Variants in ZMYM2 observed in about 807,000 individuals in gnomAD.
The protein encoded by ZMYM2 is zinc finger MYM-type containing 2.
Under a neutral mutation model 162.8 loss-of-function variants are expected in ZMYM2, and 56 were observed. The observed-to-expected ratio is 0.34, with a 90% CI of 0.28 to 0.43. The LOEUF (loss-of-function observed/expected upper bound fraction) is 0.43, where lower values mean the gene tolerates loss of function less well. ZMYM2 is among the 20% of genes least tolerant of loss of function. The pLI is 1.00. For synonymous variants in ZMYM2, 510 were observed against 541.6 expected (o/e 0.94, Z 0.81); for missense variants, 1,275 against 1,621.8 (o/e 0.79, Z 3.67).
At chr13:20,020,737 T>A (rs1197034057) in intron 7 of ZMYM2, among the ~76,000 whole-genome samples, 1 of 152,128 alleles carries the variant, frequency 6.6e-6, no homozygotes, top group African/African-American at 2.4e-5. Flanking sequence ...CTTTTTTTCC[T>A]TCTGTACTCC....
At chr13:19,898,378 G>A in the ZMYM2 span, among the ~76,000 whole-genome samples, 3 of 151,770 alleles carry the variant, frequency 2.0e-5, no homozygotes, top group Non-Finnish European at 2.9e-5. Flanking sequence ...GACTACAGGC[G>A]CCCGCCACCA....
intron 2 of ZMYM2, chr13:19,965,091 A>T (rs887756778): frequency 4.3e-5 from 18 of 423,508 alleles, no homozygotes; most frequent in African/African-American, 3.7e-4. Context: ...TATAATAAAA[A>T]AAAAAAAAGA....
the ZMYM2 span, among the ~76,000 whole-genome samples, chr13:19,878,680 CCTGG>C: frequency 2.0e-5 from 3 of 151,926 alleles, no homozygotes; most frequent in African/African-American, 7.3e-5. Context: ...CACCACCATG[CCTGG>C]CTAATTTTTA....
chr13:20,059,939 T>A (rs1956105902), intron 16 of ZMYM2, among the ~76,000 whole-genome samples: 1 of 152,028 alleles, frequency 6.6e-6, no homozygotes, highest in Non-Finnish European at 1.5e-5. Flanking sequence ...GAGGCTGAGG[T>A]AGGAAGATTG....
intron 2 of ZMYM2, among the ~76,000 whole-genome samples, chr13:19,972,308 A>G (rs557021898): frequency 6.6e-6 from 1 of 152,218 alleles, no homozygotes; most frequent in Admixed American, 6.5e-5. Context: ...ATGTGAATAC[A>G]TAATTTATGT....
rs1036791280 is a variant in ZMYM2 at position 19,958,758 on chromosome 13, G to T, written c.-163G>T. 2.0e-5 allele frequency: 3 copies of T among 151,966 alleles called. No homozygotes were observed. The highest frequency in any genetic ancestry group is 2.1e-4 in the South Asian group (1 of 4,836). The allele number at this position is 151,966 out of a possible 1,614,324, so 9.4% of individuals were successfully genotyped here. The stretch of plus-strand genomic sequence containing the variant: ...CTCACCAGCGCTAAAGCCGGGACTG[G>T]ACCGAGCGGAGTTGTGCGTGTCGCC... On this transcript the variant is annotated 5_prime_UTR_variant, in exon 1 of 25. Coordinates refer to ENST00000610343, the MANE Select transcript of ZMYM2 (RefSeq NM_197968.4).
At chr13:20,034,563 G>A (rs1330499621) in intron 11 of ZMYM2, among the ~76,000 whole-genome samples, 159 bp downstream of exon 11, 3 of 152,110 alleles carry the variant, frequency 2.0e-5, no homozygotes, top group African/African-American at 7.2e-5. Context: ...ATATGTGTTT[G>A]TAGATCTGGG....
At chr13:19,960,769 T>C (rs1955121855) in intron 2 of ZMYM2, among the ~76,000 whole-genome samples, 1 of 152,246 alleles carries the variant, frequency 6.6e-6, no homozygotes, top group Admixed American at 6.5e-5. Context: ...CCAGTCATAT[T>C]TTCCTTCAGG....
chr13:20,088,688 G>A lies in ZMYM2; in HGVS notation c.*2674G>A, dbSNP rs947698258. The A allele has an allele frequency of 1.0e-5, 2 of 195,176 alleles. No homozygotes were observed. Among genetic ancestry groups the A allele is most frequent in the African/African-American group, 4.6e-5 (2 of 43,162 alleles). 12.1% of individuals were successfully genotyped at this position (195,176 alleles called of 1,614,324 possible). On this transcript the variant is annotated 3_prime_UTR_variant, in exon 25 of 25. Coordinates refer to ENST00000610343, the MANE Select transcript of ZMYM2 (RefSeq NM_197968.4). ...CTCATGGTTTTCTTTTATTAAATGGGGTTGTTGTCAGTATGTTAAACATTG... is the reference window on the plus strand; with the variant it reads ...CTCATGGTTTTCTTTTATTAAATGGAGTTGTTGTCAGTATGTTAAACATTG...
chr13:19,965,706 C>G (rs1197445096), intron 2 of ZMYM2, among the ~76,000 whole-genome samples: 1 of 151,448 alleles, frequency 6.6e-6, no homozygotes, highest in African/African-American at 2.4e-5. Flanking sequence ...TTTTTTCGTT[C>G]CAGGCTTGTC....
intron 6 of ZMYM2, among the ~76,000 whole-genome samples, chr13:20,009,460 A>C (rs1050250107): frequency 4.6e-5 from 7 of 152,196 alleles, no homozygotes; most frequent in Non-Finnish European, 7.4e-5. Context: ...TTAAGTATAT[A>C]AGTGAGTGGC....
chr13:19,870,018 A>T, the ZMYM2 span, among the ~76,000 whole-genome samples: 1 of 152,198 alleles, frequency 6.6e-6, no homozygotes, highest in African/African-American at 2.4e-5. Context: ...ATGAGGTTGC[A>T]GTCCACACGT....
At chr13:19,942,113 G>A in the ZMYM2 span, among the ~76,000 whole-genome samples, 4 of 151,920 alleles carry the variant, frequency 2.6e-5, no homozygotes, top group African/African-American at 4.8e-5. Context: ...TTACCAAACC[G>A]AGTATATAAT....
the ZMYM2 span, among the ~76,000 whole-genome samples, chr13:19,901,240 C>T: frequency 1.3e-5 from 2 of 152,080 alleles, no homozygotes; most frequent in Non-Finnish European, 2.9e-5. Flanking sequence ...AAACATTCAA[C>T]CCATAACACC....
chr13:19,976,711 G>A lies in ZMYM2; in HGVS notation c.-10-16352G>A, dbSNP rs934128078. Among the ~76,000 whole-genome samples the A allele has an allele frequency of 5.5e-4, 84 of 152,220 alleles. 6 individuals are homozygous for A. Among genetic ancestry groups the A allele is most frequent in the Non-Finnish European group, 5.9e-5 (4 of 68,046 alleles). On this transcript the variant is annotated intron_variant, in intron 2 of 24. Coordinates refer to ENST00000610343, the MANE Select transcript of ZMYM2 (RefSeq NM_197968.4). ...TTTCAGGTAGCATGATGTCCTCATG[G>A]TTCTACGTTATAGCGTGTGTCAGAA...
intron 3 of ZMYM2, among the ~76,000 whole-genome samples, 157 bp downstream of exon 3, chr13:19,994,076 A>G (rs971965482): frequency 1.3e-5 from 2 of 152,268 alleles, no homozygotes; most frequent in African/African-American, 4.8e-5. Flanking sequence ...TTTAATAAGA[A>G]TTGTAAAACC....
chr13:20,008,560 A>T (rs1252750275), intron 6 of ZMYM2, among the ~76,000 whole-genome samples: 4 of 152,236 alleles, frequency 2.6e-5, no homozygotes, highest in African/African-American at 9.6e-5. Context: ...TCTCTCAAGG[A>T]TAAGAGGTGG....
the ZMYM2 span, among the ~76,000 whole-genome samples, chr13:19,905,159 G>T: frequency 6.6e-6 from 1 of 151,886 alleles, no homozygotes; most frequent in Non-Finnish European, 1.5e-5. Flanking sequence ...CTACAGTCAT[G>T]CACCACCACG....
chr13:19,975,214 T>C (rs1287546955), intron 2 of ZMYM2, among the ~76,000 whole-genome samples: 4 of 152,116 alleles, frequency 2.6e-5, no homozygotes, highest in Non-Finnish European at 4.4e-5. Flanking sequence ...TAAGACCATT[T>C]TTTACCATTT....
Sources: gnomAD v4.1 joint callset for allele counts (sites outside exome capture counted in the v4.1 genomes callset) on GRCh38, gnomAD v4.1.1 for gene constraint, MANE v1.5 for transcripts, NCBI Gene and HGNC (gene_info 2026-07-23, HGNC 2026-07-21) for gene names.